LARGE1: variants seen among roughly 807,000 people sequenced by gnomAD.
LARGE1 encodes the protein xylosyl- and glucuronyltransferase LARGE1.
In LARGE1, 43 loss-of-function variants were observed where a neutral mutation model predicts 87.6. That is an observed-to-expected ratio of 0.49 (90% CI 0.38 to 0.63). The LOEUF (loss-of-function observed/expected upper bound fraction) is 0.63. LARGE1 is among the 30% of genes least tolerant of loss of function. The pLI is 0.00. For synonymous variants in LARGE1, 434 were observed against 394.6 expected (o/e 1.10, Z -1.18); for missense variants, 802 against 1,000.2 (o/e 0.80, Z 2.67).
At position 33,176,611 on chromosome 22, in the gene LARGE1, C is replaced by T. The variant is rs148077622; in HGVS notation, c.1731-9779G>A. Among the ~76,000 whole-genome samples the T allele has an allele frequency of 2.8e-4, 43 of 152,178 alleles. No homozygotes were observed. In the East Asian group the frequency reaches 8.1e-3, roughly 29 times the overall value. ...GCAAATCAAAATCATAATGAGATAC[C>T]ACCTCACTCCAGTTAGAATGGCAAT... On this transcript the variant is annotated intron_variant, in intron 11 of 11. Coordinates refer to the LARGE1 transcript ENST00000608642.
intron 2 of LARGE1, among the ~76,000 whole-genome samples, chr22:33,721,468 C>T (rs1020845399): frequency 3.3e-5 from 5 of 152,148 alleles, no homozygotes; most frequent in Non-Finnish European, 5.9e-5. Context: ...TCGAAATTCA[C>T]CCACTTACCT....
intron 7 of LARGE1, among the ~76,000 whole-genome samples, chr22:33,397,801 G>T (rs1200847747): frequency 6.6e-6 from 1 of 152,114 alleles, no homozygotes; most frequent in African/African-American, 2.4e-5. Context: ...CTAAAAACTG[G>T]CATTGTCTCA....
At chr22:33,583,397 CTT>C (rs1276367201) in intron 5 of LARGE1, among the ~76,000 whole-genome samples, 3 of 152,206 alleles carry the variant, frequency 2.0e-5, no homozygotes, top group Admixed American at 6.5e-5. Context: ...AATTTTATCT[CTT>C]GATTTTCTAC....
At chr22:33,246,374 G>A (rs1224824473) in intron 11 of LARGE1, among the ~76,000 whole-genome samples, 1 of 152,160 alleles carries the variant, frequency 6.6e-6, no homozygotes, top group Non-Finnish European at 1.5e-5. Flanking sequence ...GGCCAGGCGC[G>A]GTGGCTCACC....
chr22:33,674,724 C>T (rs190583486), intron 2 of LARGE1, among the ~76,000 whole-genome samples: 1 of 152,272 alleles, frequency 6.6e-6, no homozygotes, highest in East Asian at 1.9e-4. Context: ...GCCCATGGTC[C>T]TCAACCTCAG....
intron 6 of LARGE1, among the ~76,000 whole-genome samples, chr22:33,519,295 A>G (rs1428387802): frequency 3.3e-5 from 5 of 151,964 alleles, no homozygotes; most frequent in Non-Finnish European, 7.4e-5. Context: ...GCCTCAAAGG[A>G]GACCCAGGGG....
chr22:33,713,232 G>C (rs945550921), intron 2 of LARGE1, among the ~76,000 whole-genome samples: 2 of 151,952 alleles, frequency 1.3e-5, no homozygotes, highest in African/African-American at 4.8e-5. Flanking sequence ...CTGTTCAGAT[G>C]ATCATTAAAG....
At chr22:33,609,988 A>G (rs535409533) in intron 4 of LARGE1, among the ~76,000 whole-genome samples, 3 of 152,088 alleles carry the variant, frequency 2.0e-5, no homozygotes. Flanking sequence ...ACCTTCTGCC[A>G]TAAGTAAACA....
chr22:33,440,048 T>C (rs2067412924), intron 6 of LARGE1, among the ~76,000 whole-genome samples: 1 of 152,164 alleles, frequency 6.6e-6, no homozygotes, highest in Non-Finnish European at 1.5e-5. Flanking sequence ...TGATCACTTT[T>C]TCCTCAGGGT....
the LARGE1 span, among the ~76,000 whole-genome samples, chr22:33,138,079 A>G: frequency 2.6e-5 from 4 of 152,158 alleles, no homozygotes; most frequent in East Asian, 3.9e-4. Context: ...AAATCCACAG[A>G]CACTCAGTGC....
At chr22:33,885,737 C>A (rs2146791742) in intron 1 of LARGE1, among the ~76,000 whole-genome samples, 1 of 152,182 alleles carries the variant, frequency 6.6e-6, no homozygotes, top group Non-Finnish European at 1.5e-5. Flanking sequence ...CATAAAAGAT[C>A]ATAAAAGATG....
the LARGE1 span, among the ~76,000 whole-genome samples, chr22:33,143,131 A>C: frequency 6.6e-6 from 1 of 152,212 alleles, no homozygotes; most frequent in East Asian, 1.9e-4. Flanking sequence ...ATGGGTTCAC[A>C]AGGTGATACT....
intron 5 of LARGE1, among the ~76,000 whole-genome samples, chr22:33,581,517 A>G (rs984205671): frequency 1.3e-5 from 2 of 151,406 alleles, no homozygotes; most frequent in African/African-American, 4.8e-5. Flanking sequence ...TTCAGTTAGA[A>G]GACAGAGAGA....
intron 9 of LARGE1, among the ~76,000 whole-genome samples, chr22:33,381,284 G>A (rs1011458644): frequency 6.6e-6 from 1 of 152,152 alleles, no homozygotes; most frequent in African/African-American, 2.4e-5. Context: ...AGCTTGTTAT[G>A]CAGCATTATC....
intron 8 of LARGE1, 75 bp from the exon 9 acceptor site, chr22:33,382,119 G>C (rs2065179651): frequency 1.3e-6 from 2 of 1,590,410 alleles, no homozygotes; most frequent in Non-Finnish European, 1.7e-6. Context: ...TCAAGGCACT[G>C]CATCCCCTGT....
rs35056659 is a variant in LARGE1, at chr22:33,407,981, C to CTTTT, written c.893-23681_893-23678dup. ...CATTCAGGGTGGTAAGGAAGATAAACTTTTTTTTTTTTTTTTTGAGACGGA... is the reference window on the plus strand; with the variant it reads ...CATTCAGGGTGGTAAGGAAGATAAACTTTTTTTTTTTTTTTTTTTTTGAGACGGA... On this transcript the variant is annotated intron_variant, in intron 7 of 14. Transcript: ENST00000397394. Among the ~76,000 whole-genome samples the CTTTT allele has an allele frequency of 2.0e-4, 28 of 139,568 alleles. 1 individual carries two copies. In the South Asian group the frequency reaches 3.9e-3, roughly 20 times the overall value. 91.6% of individuals were successfully genotyped at this position (139,568 alleles called of 152,430 possible). A position where few individuals can be genotyped will look rare whatever the true frequency, so the allele number is the denominator to read the frequency against.
Position 33,833,137 on chromosome 22 carries a change from T to C in LARGE1, c.-82-71579A>G, listed in dbSNP as rs971497708. 5.9e-5 allele frequency among the ~76,000 whole-genome samples: 9 copies of C among 152,222 alleles called. No individual in the cohort carries two copies. In the South Asian group the frequency reaches 6.2e-4, roughly 10 times the overall value. ...TCAGCCTGTAGAGGTAGCTGACTTT[T>C]ATTTATGTTTACCTTTTATTACATT... On this transcript the variant is annotated intron_variant, in intron 1 of 14. Transcript: ENST00000397394.
chr22:33,201,813 A>C (rs1924410307), intron 11 of LARGE1, among the ~76,000 whole-genome samples: 1 of 152,174 alleles, frequency 6.6e-6, no homozygotes, highest in African/African-American at 2.4e-5. Context: ...CGTTTTGAGC[A>C]AGCAAGTAGC....
At chr22:33,767,256 AG>A (rs2084936827) in intron 1 of LARGE1, among the ~76,000 whole-genome samples, 1 of 151,378 alleles carries the variant, frequency 6.6e-6, no homozygotes, top group African/African-American at 2.4e-5. Context: ...GGGGAGGCGG[AG>A]GTTACAATCA....
Sources: gnomAD v4.1 joint callset for allele counts (sites outside exome capture counted in the v4.1 genomes callset) on GRCh38, gnomAD v4.1.1 for gene constraint, MANE v1.5 for transcripts, NCBI Gene and HGNC (gene_info 2026-07-23, HGNC 2026-07-21) for gene names.